Variants in ADAM28 observed in about 807,000 individuals in gnomAD.
ADAM28 encodes the protein disintegrin and metalloproteinase domain-containing protein 28.
A neutral mutation model predicts 101.2 loss-of-function variants in ADAM28; 105 were observed. The observed-to-expected ratio is 1.04, with a 90% CI of 0.89 to 1.22. The LOEUF (loss-of-function observed/expected upper bound fraction) is 1.22, where lower values mean the gene tolerates loss of function less well. Ranked by LOEUF, ADAM28 falls within the 50% of genes most tolerant of loss-of-function variation. ADAM28 has a pLI of 0.00. For missense variants in ADAM28, 1,028 were observed against 945.4 expected (o/e 1.09, Z -1.15); for synonymous variants, 322 against 310.6 (o/e 1.04, Z -0.39).
At chr8:24,332,580 G>T in intron 12 of ADAM28, 80 bp from the exon 13 acceptor site, 1 of 671,112 alleles carries the variant, frequency 1.5e-6, no homozygotes, top group Non-Finnish European at 2.3e-6. Flanking sequence ...TATGCCTGAT[G>T]AATATAGTAT....
chr8:24,351,421 C>A (rs5012230), intron 20 of ADAM28, 111 bp downstream of exon 20: 476,052 of 1,142,574 alleles, frequency 0.42, 104,738 homozygotes, highest in Admixed American at 0.5. Flanking sequence ...TTTGCAGTAA[C>A]ACATTCAGAA....
In ADAM28 at chr8:24,353,639, T is replaced by C. The variant is rs1327812205; in HGVS notation, c.2245-131T>C. ...GAGTAGTTGGAATTTGAACTGGACC[T>C]TGAAAGTTGGGTAGAATTTAAATGA... On this transcript the variant is annotated intron_variant, in intron 21 of 22. Transcript: ENST00000265769. The C allele has an allele frequency of 8.6e-6, 6 of 701,432 alleles. No homozygotes were observed. In the African/African-American group the frequency reaches 9.0e-5, roughly 11 times the overall value. 43.5% of individuals were successfully genotyped at this position (701,432 alleles called of 1,614,324 possible). A position where few individuals can be genotyped will look rare whatever the true frequency, so the allele number is the denominator to read the frequency against.
chr8:24,356,407 C>T lies in ADAM28; in HGVS notation c.*2003C>T, dbSNP rs1343610771. ...TACCATAACCCAAGCAAAAACTAAA[C>T]CATACACTCTCAAAAGCAGTGGCAT... On this transcript the variant is annotated 3_prime_UTR_variant, in exon 23 of 23. Transcript: ENST00000265769. The T allele has an allele frequency of 1.3e-5, 2 of 152,164 alleles. No homozygotes were observed. Among genetic ancestry groups the T allele is most frequent in the East Asian group, 1.9e-4 (1 of 5,196 alleles). 9.4% of individuals were successfully genotyped at this position (152,164 alleles called of 1,614,324 possible). A position where few individuals can be genotyped will look rare whatever the true frequency, so the allele number is the denominator to read the frequency against.
intron 18 of ADAM28, among the ~76,000 whole-genome samples, chr8:24,348,936 C>T (rs1471656273): frequency 1.3e-5 from 2 of 152,154 alleles, no homozygotes; most frequent in African/African-American, 4.8e-5. Flanking sequence ...AATGTATCTA[C>T]ACTATAACAG....
chr8:24,351,134 C>T (rs1354401088), intron 19 of ADAM28, 98 bp from the exon 20 acceptor site: 1 of 1,024,312 alleles, frequency 9.8e-7, no homozygotes, highest in Non-Finnish European at 1.4e-6. Flanking sequence ...GCAAGAAAGA[C>T]ACAATGGGAA....
At chr8:24,321,566 T>C (rs1368372187) in intron 8 of ADAM28, 1 of 396,910 alleles carries the variant, frequency 2.5e-6, no homozygotes. Context: ...AAAAATCCGC[T>C]AAGAAAATGC....
At chr8:24,337,262 AATTG>A (rs1814217324) in intron 14 of ADAM28, among the ~76,000 whole-genome samples, 1 of 152,220 alleles carries the variant, frequency 6.6e-6, no homozygotes, top group African/African-American at 2.4e-5. Context: ...GTGGAAACAA[AATTG>A]ATTGTTGGTT....
chr8:24,303,856 C>G (rs1809174771), intron 2 of ADAM28, among the ~76,000 whole-genome samples: 2 of 152,086 alleles, frequency 1.3e-5, no homozygotes, highest in African/African-American at 2.4e-5. Context: ...AGGTCCTTCA[C>G]TTCCCTTGTT....
intron 8 of ADAM28, 46 bp downstream of exon 8, chr8:24,321,335 G>A: frequency 6.9e-7 from 1 of 1,443,144 alleles, no homozygotes; most frequent in Admixed American, 1.7e-5. Context: ...TTTGCTGGGA[G>A]ATGTCACTGG....
chr8:24,351,538 A>G, intron 20 of ADAM28: 1 of 586,732 alleles, frequency 1.7e-6, no homozygotes, highest in Non-Finnish European at 3.1e-6. Flanking sequence ...AAGAATGCAC[A>G]TACCGGATGT....
At chr8:24,341,909 A>T (rs894616161) in intron 16 of ADAM28, 152 bp downstream of exon 16, 1 of 898,332 alleles carries the variant, frequency 1.1e-6, no homozygotes. Flanking sequence ...AATTTGGAAC[A>T]CAGAAATGAA....
chr8:24,296,723 A>T (rs1280507577), intron 1 of ADAM28, among the ~76,000 whole-genome samples: 1 of 152,212 alleles, frequency 6.6e-6, no homozygotes, highest in African/African-American at 2.4e-5. Flanking sequence ...AGACTAATCC[A>T]GTGTGTGAGT....
intron 20 of ADAM28, among the ~76,000 whole-genome samples, chr8:24,351,778 A>ATCATTTCATTTATAACATTGGTAG (rs1816184917): frequency 6.6e-6 from 1 of 152,164 alleles, no homozygotes; most frequent in Admixed American, 6.5e-5. Context: ...AACATTGGTA[A>ATCATTTCATTTATAACATTGGTAG]TCATTTTTTG....
At chr8:24,317,731 T>C (rs1055669037) in intron 6 of ADAM28, among the ~76,000 whole-genome samples, 27 of 151,384 alleles carry the variant, frequency 1.8e-4, no homozygotes, top group African/African-American at 6.1e-4. Context: ...ACAAACAAAA[T>C]GAAAAGGAAT....
At position 24,342,539 on chromosome 8, in the gene ADAM28, C is replaced by G. The variant is rs1437545681; in HGVS notation, c.1831-562C>G. 3.3e-5 allele frequency among the ~76,000 whole-genome samples: 5 copies of G among 152,144 alleles called. No homozygotes were observed. In the South Asian group the frequency reaches 1.0e-3, roughly 32 times the overall value. ...ATTAGGTCTTGCCTATAAGAAGTACCCACAGTATTTAAACTTATTCTTTTC... is the reference window on the plus strand; with the variant it reads ...ATTAGGTCTTGCCTATAAGAAGTACGCACAGTATTTAAACTTATTCTTTTC... On this transcript the variant is annotated intron_variant, in intron 16 of 22. Transcript: ENST00000265769.
At chr8:24,323,147 C>T (rs1341089166) in intron 8 of ADAM28, among the ~76,000 whole-genome samples, 1 of 151,840 alleles carries the variant, frequency 6.6e-6, no homozygotes, top group Non-Finnish European at 1.5e-5. Flanking sequence ...GGCTTGGAGA[C>T]AGCTGCCTTC....
chr8:24,303,726 T>C (rs1809154099), intron 2 of ADAM28, among the ~76,000 whole-genome samples: 1 of 152,216 alleles, frequency 6.6e-6, no homozygotes, highest in South Asian at 2.1e-4. Flanking sequence ...TATAAATTAC[T>C]GTGGGCAGTA....
At chr8:24,352,195 T>A in intron 21 of ADAM28, 143 bp downstream of exon 21, 1 of 795,228 alleles carries the variant, frequency 1.3e-6, no homozygotes, top group Non-Finnish European at 2.0e-6. Context: ...CAAATTCTTC[T>A]GCAAAATATT....
At chr8:24,332,491 A>G (rs1263759735) in intron 12 of ADAM28, among the ~76,000 whole-genome samples, 169 bp from the exon 13 acceptor site, 1 of 152,210 alleles carries the variant, frequency 6.6e-6, no homozygotes, top group Non-Finnish European at 1.5e-5. Context: ...ACAAACCATC[A>G]GTTGCTCCAA....
Sources: allele counts gnomAD v4.1 joint callset (sites outside exome capture counted in the v4.1 genomes callset), GRCh38; gene constraint gnomAD v4.1.1; transcripts MANE v1.5; gene names NCBI Gene and HGNC (gene_info 2026-07-23, HGNC 2026-07-21).